SLC4A4: variants seen among roughly 807,000 people sequenced by gnomAD.
SLC4A4 encodes solute carrier family 4 member 4.
SLC4A4 carries 27 observed loss-of-function variants against 111.5 expected under a neutral mutation model. The ratio of observed to expected loss-of-function variants is 0.24; its 90% CI spans 0.18 to 0.33. The LOEUF (loss-of-function observed/expected upper bound fraction) is 0.33, where lower values mean the gene tolerates loss of function less well. Among genes scored for constraint, SLC4A4 ranks in the 10% least tolerant of loss-of-function variants. The pLI, the probability that SLC4A4 is intolerant of heterozygous loss-of-function variation, is 1.00. For synonymous variants in SLC4A4, 443 were observed against 463.4 expected (o/e 0.96, Z 0.57); for missense variants, 909 against 1,315.5 (o/e 0.69, Z 4.78).
At chr4:71,249,211 T>A (rs191854399) in intron 2 of SLC4A4, among the ~76,000 whole-genome samples, 3 of 152,244 alleles carry the variant, frequency 2.0e-5, no homozygotes, top group Admixed American at 6.5e-5. Flanking sequence ...TGTCATTTGC[T>A]TGCATGCCTG....
intron 3 of SLC4A4, among the ~76,000 whole-genome samples, chr4:71,333,315 A>C (rs2148881671): frequency 6.6e-6 from 1 of 152,342 alleles, no homozygotes; most frequent in East Asian, 1.9e-4. Context: ...GGTTGTGTTA[A>C]GATCTGAGAG....
intron 16 of SLC4A4, among the ~76,000 whole-genome samples, chr4:71,531,838 G>T (rs190011602): frequency 1.1e-4 from 16 of 151,080 alleles, no homozygotes; most frequent in African/African-American, 3.6e-4. Context: ...AAGAGCGAGC[G>T]CAACCTGTTC....
chr4:71,193,658 A>G (rs937858717), intron 1 of SLC4A4, among the ~76,000 whole-genome samples: 1 of 152,166 alleles, frequency 6.6e-6, no homozygotes, highest in African/African-American at 2.4e-5. Flanking sequence ...GTTGTATCAC[A>G]GTGTAGTTTT....
intron 16 of SLC4A4, among the ~76,000 whole-genome samples, chr4:71,520,996 ATGGGCATGAGCCACTGCACC>A (rs1379227839): frequency 6.6e-6 from 1 of 152,134 alleles, no homozygotes; most frequent in Non-Finnish European, 1.5e-5. Context: ...TGCTGGGATT[ATGGGCATGAGCCACTGCACC>A]TGGTCTGATC....
chr4:71,543,213 T>A (rs191853291), intron 18 of SLC4A4, among the ~76,000 whole-genome samples: 8 of 152,238 alleles, frequency 5.3e-5, no homozygotes, highest in African/African-American at 1.9e-4. Flanking sequence ...GAAATCAGTG[T>A]GTATGCATAG....
chr4:71,147,235 A>T (rs1267987640), intron 2 of SLC4A4, among the ~76,000 whole-genome samples: 1 of 152,138 alleles, frequency 6.6e-6, no homozygotes, highest in Non-Finnish European at 1.5e-5. Context: ...GTTTAACAAG[A>T]AGCCCTCCCC....
At chr4:71,117,879 T>TC (rs34718139) in intron 2 of SLC4A4, among the ~76,000 whole-genome samples, 104,965 of 146,012 alleles carry the variant, frequency 0.72, 39,995 homozygotes, top group Admixed American at 0.84. Flanking sequence ...ACATTTTCTT[T>TC]TTTTTTTTTT....
At chr4:71,511,313 C>A (rs1282639886) in intron 16 of SLC4A4, among the ~76,000 whole-genome samples, 1 of 152,062 alleles carries the variant, frequency 6.6e-6, no homozygotes, top group Non-Finnish European at 1.5e-5. Flanking sequence ...TGGCAGTGAA[C>A]TTGCTCAGCA....
intron 2 of SLC4A4, among the ~76,000 whole-genome samples, chr4:71,095,263 C>G (rs1282617243): frequency 6.6e-6 from 1 of 152,136 alleles, no homozygotes; most frequent in Non-Finnish European, 1.5e-5. Context: ...ATGGGGAGAG[C>G]ATTTGATCAC....
chr4:71,177,278 C>A (rs1560760456), intron 2 of SLC4A4, among the ~76,000 whole-genome samples: 2 of 152,116 alleles, frequency 1.3e-5, no homozygotes, highest in Non-Finnish European at 2.9e-5. Context: ...AAATAACGAG[C>A]AAAATAACCA....
rs1019870008 is a variant in SLC4A4, at chr4:71,570,746, G to A, written c.*2995G>A. On this transcript the variant is annotated 3_prime_UTR_variant, in exon 26 of 26. Transcript: ENST00000264485. ...GTCAAGTGTCTGCCTTATCAAAAGA[G>A]CAAAAATGCCTCTGGTTTTGTGTTT... The A allele has an allele frequency of 2.0e-4, 31 of 152,110 alleles. No homozygotes were observed. The highest frequency in any genetic ancestry group is 3.4e-3 in the Middle Eastern group (1 of 294). 9.4% of individuals were successfully genotyped at this position (152,110 alleles called of 1,614,324 possible). A position where few individuals can be genotyped will look rare whatever the true frequency, so the allele number is the denominator to read the frequency against.
chr4:71,397,684 G>A, intron 7 of SLC4A4, 31 bp downstream of exon 7: 2 of 1,539,316 alleles, frequency 1.3e-6, no homozygotes, highest in African/African-American at 2.7e-5. Context: ...TCTTTGAAAT[G>A]TAAGAGAACG....
chr4:71,397,535 T>C (rs1719934704), intron 6 of SLC4A4, 42 bp from the exon 7 acceptor site: 1 of 1,530,704 alleles, frequency 6.5e-7, no homozygotes. Flanking sequence ...TTTGTGTTAT[T>C]GAAAAGAAGT....
chr4:71,229,358 A>G (rs956196277), intron 1 of SLC4A4, among the ~76,000 whole-genome samples: 4 of 152,252 alleles, frequency 2.6e-5, no homozygotes, highest in Admixed American at 2.0e-4. Context: ...AAGCTGCTGT[A>G]AACATTCATG....
At chr4:71,551,478 C>T (rs1056754877) in intron 20 of SLC4A4, among the ~76,000 whole-genome samples, 1 of 151,788 alleles carries the variant, frequency 6.6e-6, no homozygotes, top group Admixed American at 6.6e-5. Flanking sequence ...GGGCTCAACA[C>T]AGATTTTTAA....
At chr4:71,422,533 A>C (rs1277858600) in intron 7 of SLC4A4, among the ~76,000 whole-genome samples, 2 of 152,212 alleles carry the variant, frequency 1.3e-5, no homozygotes, top group African/African-American at 2.4e-5. Flanking sequence ...AGACACAACC[A>C]AAAAAGAGAA....
chr4:71,534,230 A>G lies in SLC4A4; in HGVS notation c.2284A>G (p.Thr762Ala), dbSNP rs1300588462. 8.1e-6 allele frequency: 13 copies of G among 1,613,424 alleles called. No individual in the cohort carries two copies. The highest frequency in any genetic ancestry group is 1.3e-5 in the African/African-American group (1 of 74,896). ...AATGTCATCTGTCTTTTTCAAGCCA[A>G]CAAGTCCAAACCGAGGTTGGTTCGT... is the stretch of plus-strand genomic sequence containing the variant. ...KLIVPSEFKP[T>A]SPNRGWFVPP... Residue 762 changes from threonine to alanine, a missense_variant, in exon 18 of 26, where the codon ACA (threonine) becomes GCA (alanine). By Grantham distance (58) the Thr-to-Ala change is moderately conservative (BLOSUM62 0). Around this residue, in one of 7 missense-constraint regions of SLC4A4, gnomAD observed 264 missense variants for 356.8 expected, o/e 0.74. Transcript: ENST00000264485.
rs575554308 is a variant in SLC4A4 at position 71,147,043 on chromosome 4, G to T, written c.-2+54251G>T. ...GGCTCAAAATAAAGGGATGGAGGAA[G>T]ATCTACCAAGCAAATGGAAAACAAA... On this transcript the variant is annotated intron_variant, in intron 2 of 26. Coordinates refer to the SLC4A4 transcript ENST00000649996. Among the ~76,000 whole-genome samples the T allele has an allele frequency of 2.6e-5, 4 of 152,216 alleles. No homozygotes were observed. The South Asian group carries it at 8.3e-4, about 32-fold the overall frequency.
At chr4:71,300,721 G>A (rs145665646) in intron 3 of SLC4A4, 1 of 375,980 alleles carries the variant, frequency 2.7e-6, no homozygotes, top group East Asian at 7.2e-5. Context: ...AGCAGCTTCT[G>A]GAGGGGGCCT....
Sources: gnomAD v4.1 joint callset for allele counts (sites outside exome capture counted in the v4.1 genomes callset) on GRCh38, gnomAD v4.1.1 for gene constraint, gnomAD v4.1.1 regional missense constraint, MANE v1.5 for transcripts, NCBI Gene and HGNC (gene_info 2026-07-23, HGNC 2026-07-21) for gene names.